Variants in SEMA6D observed in about 807,000 individuals in gnomAD.
SEMA6D encodes the protein semaphorin 6D.
In SEMA6D, 35 loss-of-function variants were observed where a neutral mutation model predicts 106.6. The observed-to-expected ratio is 0.33, with a 90% CI of 0.25 to 0.44. The LOEUF is 0.44. Ranked by LOEUF, SEMA6D falls within the 20% of genes least tolerant of loss-of-function variation. SEMA6D has a pLI of 1.00. For synonymous variants in SEMA6D, 499 were observed against 487.7 expected, an observed-to-expected ratio of 1.02 and a Z score of -0.31; for missense variants, 1,185 against 1,345.9, an observed-to-expected ratio of 0.88 and a Z score of 1.87.
intron 4 of SEMA6D, among the ~76,000 whole-genome samples, chr15:47,653,929 A>G (rs1293753038): frequency 1.3e-5 from 2 of 152,194 alleles, no homozygotes; most frequent in South Asian, 2.1e-4. Context: ...ATCTAATGAG[A>G]CTTACATTGT....
chr15:47,197,241 G>A (rs1015131595), intron 1 of SEMA6D, among the ~76,000 whole-genome samples: 7 of 152,248 alleles, frequency 4.6e-5, no homozygotes, highest in Middle Eastern at 3.4e-3. Flanking sequence ...GTGATGATTT[G>A]ATGCTGTACC....
chr15:47,624,911 T>C (rs1201320876), intron 4 of SEMA6D, among the ~76,000 whole-genome samples: 1 of 152,182 alleles, frequency 6.6e-6, no homozygotes, highest in African/African-American at 2.4e-5. Flanking sequence ...TAATTTCACA[T>C]AGACTGGAGA....
chr15:47,516,470 A>G (rs931338443), intron 3 of SEMA6D, among the ~76,000 whole-genome samples: 6 of 152,150 alleles, frequency 3.9e-5, no homozygotes, highest in Non-Finnish European at 5.9e-5. Context: ...CATTACTGTC[A>G]AACTGAGTGG....
intron 3 of SEMA6D, among the ~76,000 whole-genome samples, chr15:47,585,547 A>G (rs530124698): frequency 6.6e-6 from 1 of 152,224 alleles, no homozygotes; most frequent in Non-Finnish European, 1.5e-5. Context: ...GTAGCAAGAA[A>G]TAAGAGAAAG....
intron 1 of SEMA6D, among the ~76,000 whole-genome samples, chr15:47,728,521 C>G (rs1487772126): frequency 6.6e-6 from 1 of 152,180 alleles, no homozygotes. Flanking sequence ...TTTTGGGGCA[C>G]TTAGTTTTAC....
intron 4 of SEMA6D, among the ~76,000 whole-genome samples, chr15:47,683,491 A>G (rs1033413404): frequency 3.9e-5 from 6 of 152,170 alleles, no homozygotes; most frequent in African/African-American, 1.2e-4. Context: ...TTTATGAAAA[A>G]TCTCAACATC....
chr15:47,270,642 T>C (rs186670803), intron 1 of SEMA6D, among the ~76,000 whole-genome samples: 112 of 152,304 alleles, frequency 7.4e-4, no homozygotes, highest in African/African-American at 2.7e-3. Context: ...CTATATTTGC[T>C]TTATCACAAA....
chr15:47,647,420 T>C (rs2077600785), intron 4 of SEMA6D, among the ~76,000 whole-genome samples: 1 of 152,230 alleles, frequency 6.6e-6, no homozygotes, highest in South Asian at 2.1e-4. Flanking sequence ...TTCTTAGTGC[T>C]GACAGATGAA....
intron 3 of SEMA6D, among the ~76,000 whole-genome samples, chr15:47,569,205 A>G (rs940772200): frequency 6.6e-6 from 1 of 151,528 alleles, no homozygotes; most frequent in Non-Finnish European, 1.5e-5. Flanking sequence ...GAAATGTCAC[A>G]TGACTTCATT....
intron 1 of SEMA6D, among the ~76,000 whole-genome samples, chr15:47,411,143 T>G (rs408865): frequency 0.63 from 94,486 of 151,038 alleles, 29,985 homozygotes; most frequent in Middle Eastern, 0.69. Flanking sequence ...TTGCCCAGGC[T>G]GGAGTGCAGT....
rs1378766718 is a variant in SEMA6D at position 47,702,003 on chromosome 15, C to T, written c.-54-57742C>T. ...CGGTCAAAACTAGTCAAAAGTGTTT[C>T]CTATACTCGACATTTTTCTTCTTCT... On this transcript the variant is annotated intron_variant, in intron 4 of 19. Coordinates refer to the SEMA6D transcript ENST00000558014. 4.6e-5 allele frequency among the ~76,000 whole-genome samples: 7 copies of T among 152,282 alleles called. No homozygotes were observed. In the East Asian group the frequency reaches 1.4e-3, roughly 29 times the overall value.
At chr15:47,575,178 A>G (rs1481721564) in intron 3 of SEMA6D, among the ~76,000 whole-genome samples, 7 of 152,228 alleles carry the variant, frequency 4.6e-5, no homozygotes, top group Admixed American at 3.9e-4. Context: ...TTATGTAGCA[A>G]TCTATTCCAC....
chr15:47,394,366 A>G (rs955181080), intron 1 of SEMA6D, among the ~76,000 whole-genome samples: 4 of 152,206 alleles, frequency 2.6e-5, no homozygotes, highest in African/African-American at 4.8e-5. Context: ...GCAGTTTACA[A>G]TGGTCTTTTC....
intron 4 of SEMA6D, among the ~76,000 whole-genome samples, chr15:47,706,468 A>G (rs2078914263): frequency 6.6e-6 from 1 of 152,214 alleles, no homozygotes; most frequent in African/African-American, 2.4e-5. Flanking sequence ...GTAAGTTGAA[A>G]TGGTTTGCAT....
chr15:47,674,044 C>T (rs2078192446), intron 4 of SEMA6D, among the ~76,000 whole-genome samples: 3 of 152,168 alleles, frequency 2.0e-5, no homozygotes, highest in Non-Finnish European at 4.4e-5. Context: ...CACTCTCTTT[C>T]TATCTCTCTT....
At chr15:47,684,360 C>G (rs2078425692) in intron 4 of SEMA6D, among the ~76,000 whole-genome samples, 1 of 151,612 alleles carries the variant, frequency 6.6e-6, no homozygotes, top group Non-Finnish European at 1.5e-5. Context: ...AAAATTATAC[C>G]TATATATTAA....
intron 1 of SEMA6D, among the ~76,000 whole-genome samples, chr15:47,745,856 T>TA (rs1450464505): frequency 3.3e-5 from 5 of 152,180 alleles, no homozygotes; most frequent in Non-Finnish European, 7.4e-5. Context: ...AAAATACATT[T>TA]AAAAAATAAT....
In SEMA6D at chr15:47,592,576, T is replaced by C. The variant is rs118087141; in HGVS notation, c.-86-8289T>C. Among the ~76,000 whole-genome samples the C allele has an allele frequency of 6.7e-3, 1,026 of 152,320 alleles. 5 individuals carry two copies. Among genetic ancestry groups the C allele is most frequent in the Admixed American group, 0.018 (281 of 15,304 alleles). On this transcript the variant is annotated intron_variant, in intron 3 of 19. Transcript: ENST00000558014. ...GAGTTTCTGTGATTAGTCATTTAAC[T>C]GTATGGTAATTGCAAGCTAAATAGA... is the stretch of plus-strand genomic sequence containing the variant.
At chr15:47,381,193 A>G (rs558409973) in intron 1 of SEMA6D, among the ~76,000 whole-genome samples, 15 of 152,366 alleles carry the variant, frequency 9.8e-5, no homozygotes, top group African/African-American at 3.4e-4. Context: ...AAAAATTACA[A>G]TGGATTGTGG....
Sources: allele counts gnomAD v4.1 joint callset (sites outside exome capture counted in the v4.1 genomes callset), GRCh38; gene constraint gnomAD v4.1.1; transcripts MANE v1.5; gene names NCBI Gene and HGNC (gene_info 2026-07-23, HGNC 2026-07-21).